Variants in CDK8 observed in about 807,000 individuals in gnomAD.
The protein encoded by CDK8 is cyclin dependent kinase 8, also known as cyclin-dependent kinase 8.
A neutral mutation model predicts 71.5 loss-of-function variants in CDK8; 29 were observed. The ratio of observed to expected loss-of-function variants is 0.41; its 90% confidence interval spans 0.30 to 0.55. The LOEUF (loss-of-function observed/expected upper bound fraction) is 0.55. CDK8 is among the 20% of genes least tolerant of loss of function. The probability of loss-of-function intolerance (pLI) is 0.37; values close to 1 mark genes in which losing one functional copy is unlikely to be tolerated. For synonymous variants in CDK8, 161 were observed against 192.1 expected (o/e 0.84, Z 1.34); for missense variants, 288 against 572.6 (o/e 0.50, Z 5.07).
At chr13:26,323,336 AGAGGGAGAGG>A (rs1565972577) in intron 1 of CDK8, among the ~76,000 whole-genome samples, 16 of 3,676 alleles carry the variant, frequency 4.4e-3, no homozygotes, top group African/African-American at 5.9e-3. Context: ...AGGGAGAGAG[AGAGGGAGAGG>A]GAGAGGGAGA....
At chr13:26,272,561 A>T (rs1335213622) in intron 1 of CDK8, among the ~76,000 whole-genome samples, 1 of 152,192 alleles carries the variant, frequency 6.6e-6, no homozygotes, top group Non-Finnish European at 1.5e-5. Flanking sequence ...AATAAGTCAA[A>T]CTGGAGTACA....
In CDK8 at chr13:26,340,462, TAA is replaced by T. The variant is rs1873191957; in HGVS notation, c.204+2821_204+2822del. On this transcript the variant is annotated intron_variant, in intron 2 of 12. Transcript: ENST00000381527. ...GGAGTGGATATTAGTATAAATAAAT[TAA>T]GTTTGTCTGTGAGTGGCTAATGGTA... Among the ~76,000 whole-genome samples, 7 of 150,348 alleles carry T rather than the reference TAA, an allele frequency of 4.7e-5. No individual in the cohort carries two copies. In the South Asian group the frequency reaches 1.5e-3, roughly 31 times the overall value.
At chr13:26,358,704 G>C (rs1874004687) in intron 4 of CDK8, among the ~76,000 whole-genome samples, 1 of 152,202 alleles carries the variant, frequency 6.6e-6, no homozygotes, top group South Asian at 2.1e-4. Context: ...GTTCATAGCA[G>C]CATTATTCAC....
chr13:26,390,651 CA>C (rs1369431545), intron 6 of CDK8, among the ~76,000 whole-genome samples: 1 of 152,128 alleles, frequency 6.6e-6, no homozygotes, highest in East Asian at 1.9e-4. Context: ...TGTTTGTCCT[CA>C]AATAGCTGCA....
At chr13:26,371,135 C>G (rs930602475) in intron 4 of CDK8, among the ~76,000 whole-genome samples, 1 of 152,076 alleles carries the variant, frequency 6.6e-6, no homozygotes, top group African/African-American at 2.4e-5. Flanking sequence ...TTAAGAGTCA[C>G]TGTGGTAGTG....
Position 26,401,641 on chromosome 13 carries a change from T to C in CDK8, c.1269+17T>C. 6.2e-7 allele frequency: 1 copy of C among 1,612,962 alleles called. No individual in the cohort carries two copies. On this transcript the variant is annotated intron_variant, in intron 12 of 12. Transcript: ENST00000381527. This position sits in a 1 kb window ranked among gnomAD's most constrained non-coding sequence, Gnocchi z 4.5. ...GACTATCAGGTATTCCAAGTTTATT[T>C]TGTATTGACTGCATGTCAGTGTTTA...
intron 4 of CDK8, among the ~76,000 whole-genome samples, chr13:26,364,478 T>G (rs1019748625): frequency 9.2e-5 from 14 of 152,184 alleles, no homozygotes; most frequent in African/African-American, 3.4e-4. Flanking sequence ...TTTTGCAAGC[T>G]TTTTGACATT....
At chr13:26,320,135 C>T (rs56337920) in intron 1 of CDK8, among the ~76,000 whole-genome samples, 3,470 of 152,060 alleles carry the variant, frequency 0.023, 133 homozygotes, top group African/African-American at 0.08. Flanking sequence ...TGTAGTGGCT[C>T]ATGCTTGTAA....
At chr13:26,298,463 G>A (rs79893788) in intron 1 of CDK8, among the ~76,000 whole-genome samples, 3,399 of 152,196 alleles carry the variant, frequency 0.022, 100 homozygotes, top group South Asian at 0.077. Context: ...CCGAGTAAGT[G>A]GAAAGACTTT....
chr13:26,390,327 G>GA (rs1191609880), intron 6 of CDK8, among the ~76,000 whole-genome samples: 2 of 152,092 alleles, frequency 1.3e-5, no homozygotes, highest in African/African-American at 2.4e-5. Flanking sequence ...AAAGCATAGG[G>GA]AAAAAAATCT....
At chr13:26,338,465 T>G (rs1873082170) in intron 2 of CDK8, among the ~76,000 whole-genome samples, 1 of 152,006 alleles carries the variant, frequency 6.6e-6, no homozygotes, top group African/African-American at 2.4e-5. Context: ...GACTCATAAA[T>G]CTAAGAGTAG....
chr13:26,384,246 G>GTT (rs35004387), intron 5 of CDK8, among the ~76,000 whole-genome samples: 23 of 147,548 alleles, frequency 1.6e-4, no homozygotes, highest in African/African-American at 5.5e-4. Context: ...CAACTTTTGG[G>GTT]TTTTTTTTTT....
intron 1 of CDK8, among the ~76,000 whole-genome samples, chr13:26,334,772 A>C (rs965918345): frequency 6.6e-6 from 1 of 152,210 alleles, no homozygotes; most frequent in African/African-American, 2.4e-5. Flanking sequence ...TTGTTCACTT[A>C]AACTGTCTTA....
At chr13:26,403,252 G>A (rs1999020) in intron 12 of CDK8, among the ~76,000 whole-genome samples, 38,588 of 152,012 alleles carry the variant, frequency 0.25, 5,617 homozygotes, top group East Asian at 0.44. Flanking sequence ...GCTCATGCCC[G>A]TAATCCCAGT....
rs1426876568 is a variant in CDK8 at position 26,401,683 on chromosome 13, C to T, written c.1269+59C>T. On this transcript the variant is annotated intron_variant, in intron 12 of 12. Coordinates refer to ENST00000381527, the MANE Select transcript of CDK8 (RefSeq NM_001260.3). The surrounding 1 kb of genome is among the most constrained non-coding windows in gnomAD (Gnocchi z 4.5). ...CAGTGTTTACATATGGGTTTATGATCGTGGGAAAATGTGATTTAATTGAGA... is the reference window on the plus strand; with the variant it reads ...CAGTGTTTACATATGGGTTTATGATTGTGGGAAAATGTGATTTAATTGAGA... 14 of 1,539,852 alleles carry T rather than the reference C, an allele frequency of 9.1e-6. No homozygotes were observed. Among genetic ancestry groups the T allele is most frequent in the East Asian group, 9.0e-5 (4 of 44,390 alleles).
intron 4 of CDK8, among the ~76,000 whole-genome samples, chr13:26,374,612 C>T: frequency 6.8e-6 from 1 of 146,452 alleles, no homozygotes; most frequent in East Asian, 1.9e-4. Flanking sequence ...TATACCTTTA[C>T]TATCTAGAAT....
At chr13:26,274,012 T>C (rs1405586690) in intron 1 of CDK8, among the ~76,000 whole-genome samples, 1 of 152,210 alleles carries the variant, frequency 6.6e-6, no homozygotes, top group East Asian at 1.9e-4. Flanking sequence ...GTATTTATTG[T>C]ATTATATGAT....
chr13:26,359,383 A>G (rs2138007977), intron 4 of CDK8: 1 of 155,502 alleles, frequency 6.4e-6, no homozygotes, highest in South Asian at 1.9e-4. Flanking sequence ...ACAATAAAAG[A>G]CATCGGGAGA....
intron 1 of CDK8, among the ~76,000 whole-genome samples, chr13:26,328,881 T>C (rs1875154066): frequency 6.6e-6 from 1 of 152,234 alleles, no homozygotes; most frequent in African/African-American, 2.4e-5. Flanking sequence ...CCTGCTATTC[T>C]GTTCTAGGAT....
Sources: gnomAD v4.1 joint callset for allele counts (sites outside exome capture counted in the v4.1 genomes callset) on GRCh38, gnomAD v4.1.1 for gene constraint, Gnocchi (gnomAD v3.1) non-coding constraint, MANE v1.5 for transcripts, NCBI Gene and HGNC (gene_info 2026-07-23, HGNC 2026-07-21) for gene names.